The following ATG4B variants were observed in gnomAD, a reference collection of about 807,000 sequenced individuals.
ATG4B encodes cysteine protease ATG4B.
Under a neutral mutation model 56.6 loss-of-function variants are expected in ATG4B, and 29 were observed. The ratio of observed to expected loss-of-function variants is 0.51; its 90% CI spans 0.38 to 0.70. The LOEUF (loss-of-function observed/expected upper bound fraction) is 0.70. ATG4B is among the 30% of genes least tolerant of loss of function. ATG4B has a pLI of 0.00. For missense variants in ATG4B, 461 were observed against 515.5 expected (o/e 0.89, Z 1.02); for synonymous variants, 224 against 206.1 (o/e 1.09, Z -0.74).
chr2:241,659,956 C>T (rs1410507801), intron 7 of ATG4B, among the ~76,000 whole-genome samples: 1 of 152,120 alleles, frequency 6.6e-6, no homozygotes, highest in Non-Finnish European at 1.5e-5. Flanking sequence ...CCTTGGGAGG[C>T]CGAGGTGGGT....
chr2:241,648,997 C>T (rs1271754293), intron 1 of ATG4B, among the ~76,000 whole-genome samples: 8 of 152,224 alleles, frequency 5.3e-5, no homozygotes, highest in Non-Finnish European at 7.3e-5. Flanking sequence ...GCCAGCACCT[C>T]ATTGGAAGTG....
intron 1 of ATG4B, among the ~76,000 whole-genome samples, chr2:241,639,979 A>C (rs2067835549): frequency 6.6e-6 from 1 of 152,100 alleles, no homozygotes; most frequent in Non-Finnish European, 1.5e-5. Flanking sequence ...GTTGGGTTTC[A>C]CTGGTGACCC....
chr2:241,655,415 T>TAG, intron 6 of ATG4B, 72 bp downstream of exon 6: 2 of 1,436,652 alleles, frequency 1.4e-6, no homozygotes, highest in Non-Finnish European at 1.9e-6. Context: ...TCTCCTTGAG[T>TAG]CTTCATGGCT....
rs1231957066 is a variant in ATG4B, at chr2:241,651,026, C to T, written c.27C>T (p.Asp9=). MDAATLTY[D]TLRFAEFEDF... is the part of the protein sequence containing the mutation. ...TTTCAACAGCTACTCTGACCTACGA[C>T]ACTCTCCGGTTTGCTGAGTTTGAAG... is the stretch of plus-strand genomic sequence containing the variant. The change falls in exon 2 of 13, where the codon GAC becomes GAT. Residue 9 remains aspartate, a synonymous_variant. Coordinates refer to ENST00000404914, the MANE Select transcript of ATG4B (RefSeq NM_013325.5). This position sits in a 1 kb window ranked among gnomAD's most constrained non-coding sequence, Gnocchi z 4.1. The T allele has an allele frequency of 6.2e-7, 1 of 1,613,888 alleles. No individual in the cohort carries two copies. Among genetic ancestry groups the T allele is most frequent in the Admixed American group, 1.7e-5 (1 of 60,000 alleles).
intron 3 of ATG4B, among the ~76,000 whole-genome samples, chr2:241,652,716 A>G (rs541963630): frequency 1.3e-5 from 2 of 152,108 alleles, no homozygotes; most frequent in African/African-American, 4.8e-5. Flanking sequence ...GAGGGTGACC[A>G]TGGGCACTGC....
chr2:241,644,537 C>T (rs34983011), intron 1 of ATG4B, among the ~76,000 whole-genome samples: 21,808 of 152,162 alleles, frequency 0.14, 1,749 homozygotes, highest in Middle Eastern at 0.28. Flanking sequence ...CTGTAGCTAT[C>T]GACCAGGCTC....
intron 10 of ATG4B, among the ~76,000 whole-genome samples, chr2:241,669,882 C>T (rs574743952): frequency 2.6e-5 from 4 of 151,504 alleles, no homozygotes; most frequent in Non-Finnish European, 4.4e-5. Context: ...TTACTGTAAA[C>T]GCAGCTTGGT....
At chr2:241,662,175 T>C (rs2068611568) in intron 7 of ATG4B, among the ~76,000 whole-genome samples, 1 of 152,200 alleles carries the variant, frequency 6.6e-6, no homozygotes, top group Non-Finnish European at 1.5e-5. Context: ...CAAATTTTTT[T>C]ATCAGAAGTA....
intron 6 of ATG4B, 42 bp from the exon 7 acceptor site, chr2:241,659,066 G>T: frequency 6.7e-7 from 1 of 1,484,136 alleles, no homozygotes; most frequent in South Asian, 1.3e-5. Flanking sequence ...AACCGTCTTT[G>T]AATTGTACAA....
intron 10 of ATG4B, among the ~76,000 whole-genome samples, chr2:241,669,623 T>G (rs891201248): frequency 6.6e-6 from 1 of 152,206 alleles, no homozygotes; most frequent in African/African-American, 2.4e-5. Flanking sequence ...TTCTCCTGCC[T>G]CAGCCTCTGG....
At chr2:241,667,887 C>G (rs966378297) in intron 8 of ATG4B, 4 of 477,306 alleles carry the variant, frequency 8.4e-6, no homozygotes, top group South Asian at 7.9e-5. Flanking sequence ...GCCAGGCCCC[C>G]TCACTCCCGG....
chr2:241,642,872 C>CTTTTTTT (rs1165718825), intron 1 of ATG4B, among the ~76,000 whole-genome samples: 2 of 104,258 alleles, frequency 1.9e-5, no homozygotes, highest in African/African-American at 8.1e-5. Context: ...CCTCTCCGTC[C>CTTTTTTT]TTTTTTTTTT....
intron 6 of ATG4B, among the ~76,000 whole-genome samples, chr2:241,656,613 G>A: frequency 6.6e-6 from 1 of 152,172 alleles, no homozygotes; most frequent in East Asian, 1.9e-4. Context: ...TCCCCAACCT[G>A]CAAGTGCTGT....
Position 241,655,294 on chromosome 2 carries a change from A to C in ATG4B, c.409A>C (p.Lys137Gln). ...AGCGCAAATGGGAGTTGGCGAAGGCAAGTCCATAGGCCAGTGGTACGGGCC... is the reference window on the plus strand; with the variant it reads ...AGCGCAAATGGGAGTTGGCGAAGGCCAGTCCATAGGCCAGTGGTACGGGCC... ...QIAQMGVGEG[K>Q]SIGQWYGPNT... Residue 137 changes from lysine to glutamine, a missense_variant, in exon 6 of 13, where the codon AAG (lysine) becomes CAG (glutamine). Coordinates refer to ENST00000404914, the MANE Select transcript of ATG4B (RefSeq NM_013325.5). The C allele has an allele frequency of 6.2e-7, 1 of 1,612,352 alleles. No homozygotes were observed.
rs2069051179 is a variant in ATG4B at position 241,673,595 on chromosome 2, C to T, written c.*1331C>T. ...CAAGCATTGAAGACATAGTGTATTTCCTCGTATCCTTTCTCCCTTGGGTGT... is the reference window on the plus strand; with the variant it reads ...CAAGCATTGAAGACATAGTGTATTTTCTCGTATCCTTTCTCCCTTGGGTGT... On this transcript the variant is annotated 3_prime_UTR_variant, in exon 13 of 13. Transcript: ENST00000404914. The T allele has an allele frequency of 6.6e-6, 3 of 455,416 alleles. No individual in the cohort carries two copies. Among genetic ancestry groups the T allele is most frequent in the Non-Finnish European group, 1.3e-5 (3 of 227,040 alleles). The allele number at this position is 455,416 out of a possible 1,614,324, so 28.2% of individuals were successfully genotyped here.
intron 8 of ATG4B, among the ~76,000 whole-genome samples, chr2:241,667,257 T>C (rs1427551705): frequency 6.6e-6 from 1 of 151,952 alleles, no homozygotes; most frequent in East Asian, 1.9e-4. Context: ...GGGCAGGGCC[T>C]GGGGATGGGC....
Position 241,672,342 on chromosome 2 carries a change from C to A in ATG4B, c.*78C>A. ...CTGCGTTTCATCCATCCCGCCCGCT[C>A]GCCTGCCGAGGGCTGCGCCCCGTGC... is the stretch of plus-strand genomic sequence containing the variant. On this transcript the variant is annotated 3_prime_UTR_variant, in exon 13 of 13. Transcript: ENST00000404914. 2 of 1,342,634 alleles carry A rather than the reference C, an allele frequency of 1.5e-6. No homozygotes were observed. Among genetic ancestry groups the A allele is most frequent in the South Asian group, 1.3e-5 (1 of 78,960 alleles). 83.2% of individuals were successfully genotyped at this position (1,342,634 alleles called of 1,614,324 possible). A position where few individuals can be genotyped will look rare whatever the true frequency, so the allele number is the denominator to read the frequency against.
At chr2:241,659,856 C>G (rs923114057) in intron 7 of ATG4B, 2 of 166,628 alleles carry the variant, frequency 1.2e-5, no homozygotes, top group African/African-American at 2.4e-5. Context: ...TATTGAAGTT[C>G]TACATGTAGG....
chr2:241,647,974 C>T (rs542914674), intron 1 of ATG4B, among the ~76,000 whole-genome samples: 2 of 152,202 alleles, frequency 1.3e-5, no homozygotes, highest in East Asian at 3.9e-4. Context: ...ATTAGCCGGG[C>T]ATGGTGGCAG....
Sources: gnomAD v4.1 joint callset for allele counts (sites outside exome capture counted in the v4.1 genomes callset) on GRCh38, gnomAD v4.1.1 for gene constraint, Gnocchi (gnomAD v3.1) non-coding constraint, MANE v1.5 for transcripts, NCBI Gene and HGNC (gene_info 2026-07-23, HGNC 2026-07-21) for gene names.